RADX: variants seen among roughly 807,000 people sequenced by gnomAD.
RADX encodes the protein RPA-related protein RADX.
In RADX, 36 loss-of-function variants were observed where a neutral mutation model predicts 61.6. The observed-to-expected ratio is 0.58, with a 90% CI of 0.45 to 0.77. The LOEUF (loss-of-function observed/expected upper bound fraction) is 0.77, where lower values mean the gene tolerates loss of function less well. Ranked by LOEUF, RADX falls within the 30% of genes least tolerant of loss-of-function variation. The pLI is 0.00. For missense variants in RADX, 497 were observed against 651.1 expected (o/e 0.76, Z 2.58); for synonymous variants, 272 against 237.9 (o/e 1.14, Z -1.32).
At chrX:106,650,810 C>T (rs1927775202) in intron 11 of RADX, among the ~76,000 whole-genome samples, 1 of 111,666 alleles carries the variant, frequency 9.0e-6, no homozygotes, top group Non-Finnish European at 1.9e-5. Flanking sequence ...AAGGTATCCA[C>T]ACACACACTT....
chrX:106,650,295 A>C (rs1420072440), intron 11 of RADX, among the ~76,000 whole-genome samples: 1 of 111,102 alleles, frequency 9.0e-6, no homozygotes, highest in Admixed American at 9.6e-5. Flanking sequence ...AGGAGTTAGC[A>C]CTAATATCTG....
chrX:106,638,241 C>A, intron 8 of RADX: 1 of 154,640 alleles, frequency 6.5e-6, no homozygotes, highest in Non-Finnish European at 1.2e-5. Context: ...AATCCGAAAT[C>A]TGAAATGTTC....
intron 1 of RADX, among the ~76,000 whole-genome samples, chrX:106,615,447 C>A (rs1443119353): frequency 9.0e-6 from 1 of 111,639 alleles, no homozygotes; most frequent in African/African-American, 3.3e-5. Flanking sequence ...TTCTAGCAAC[C>A]AGCCTTCTTT....
intron 12 of RADX, among the ~76,000 whole-genome samples, chrX:106,668,116 G>C (rs1316548060): frequency 1.8e-5 from 2 of 111,824 alleles, no homozygotes; most frequent in African/African-American, 3.2e-5. Flanking sequence ...TGTATGTTAA[G>C]TTAAATATAT....
chrX:106,655,732 A>G (rs1293380363), intron 11 of RADX, among the ~76,000 whole-genome samples: 1 of 111,477 alleles, frequency 9.0e-6, no homozygotes, highest in African/African-American at 3.3e-5. Flanking sequence ...TTCTTAATCC[A>G]GTCTATCATT....
At chrX:106,634,324 C>T (rs1209848256) in intron 6 of RADX, among the ~76,000 whole-genome samples, 8 of 110,855 alleles carry the variant, frequency 7.2e-5, no homozygotes, top group South Asian at 3.9e-4. Context: ...TCAGTAGAGA[C>T]GGGGTTTCAC....
intron 1 of RADX, among the ~76,000 whole-genome samples, chrX:106,613,289 G>C (rs755557047): frequency 9.0e-6 from 1 of 111,550 alleles, no homozygotes; most frequent in Non-Finnish European, 1.9e-5. Context: ...TTATGGGAAG[G>C]CTTGACATTC....
At chrX:106,670,128 G>A (rs1257048261) in intron 13 of RADX, among the ~76,000 whole-genome samples, 4 of 110,926 alleles carry the variant, frequency 3.6e-5, no homozygotes, top group Admixed American at 9.6e-5. Flanking sequence ...AAGTAATTTG[G>A]GGCAGTAACA....
intron 1 of RADX, among the ~76,000 whole-genome samples, chrX:106,617,875 C>T (rs1391118598): frequency 1.8e-5 from 2 of 111,001 alleles, no homozygotes; most frequent in Non-Finnish European, 3.8e-5. Flanking sequence ...ATAAGCATCC[C>T]GGTGCTAACA....
chrX:106,628,780 G>A (rs190141621), intron 3 of RADX, among the ~76,000 whole-genome samples: 10 of 109,152 alleles, frequency 9.2e-5, no homozygotes, highest in Admixed American at 8.8e-4. Flanking sequence ...GATTACAGGC[G>A]CCCACCACCA....
chrX:106,643,599 G>A (rs1393235804), intron 10 of RADX, among the ~76,000 whole-genome samples: 17 of 111,432 alleles, frequency 1.5e-4, no homozygotes, highest in African/African-American at 4.9e-4. Flanking sequence ...CTTTACCCCA[G>A]TGTATGTTCT....
At chrX:106,613,275 A>AT (rs1209375584) in intron 1 of RADX, among the ~76,000 whole-genome samples, 3 of 111,795 alleles carry the variant, frequency 2.7e-5, no homozygotes, top group Non-Finnish European at 3.8e-5. Context: ...TAACGGTGTG[A>AT]TTTTTATGGG....
intron 12 of RADX, among the ~76,000 whole-genome samples, chrX:106,665,352 A>T (rs1928202986): frequency 8.9e-6 from 1 of 112,400 alleles, no homozygotes; most frequent in Non-Finnish European, 1.9e-5. Flanking sequence ...GAAAGCAACC[A>T]TTGACAATAT....
chrX:106,639,706 A>C lies in RADX; in HGVS notation c.1734+19A>C, dbSNP rs1927456812. The C allele has an allele frequency of 2.6e-6, 3 of 1,141,105 alleles. No homozygotes were observed. The allele number at this position is 1,141,105 out of a possible 1,213,427, so 94.0% of individuals were successfully genotyped here. A position where few individuals can be genotyped will look rare whatever the true frequency, so the allele number is the denominator to read the frequency against. ...ACTTCGGGTATGGTGCCAGAGAATT[A>C]ATAGTATTTCTCTGAAAGCACTGTG... On this transcript the variant is annotated intron_variant, in intron 9 of 13. Coordinates refer to ENST00000372548, the MANE Select transcript of RADX (RefSeq NM_018015.6).
chrX:106,633,503 T>C (rs886306858), intron 6 of RADX, among the ~76,000 whole-genome samples: 4 of 111,678 alleles, frequency 3.6e-5, no homozygotes, highest in African/African-American at 6.5e-5. Flanking sequence ...TCAATTCTCA[T>C]TGTAAAAATT....
rs1926806293 is a variant in RADX at position 106,616,484 on chromosome X, G to A, written c.643+3761G>A. On this transcript the variant is annotated intron_variant, in intron 1 of 13. Transcript: ENST00000372548. ...TATTTTTCTTGTACTACTTTCTTGA[G>A]TTAAATGCTTGGTTCATATATTTCC... Among the ~76,000 whole-genome samples the A allele has an allele frequency of 2.7e-5, 3 of 111,569 alleles. No individual in the cohort carries two copies. The Admixed American group carries it at 2.8e-4, about 11-fold the overall frequency.
At chrX:106,635,761 C>T (rs1453916680) in intron 6 of RADX, among the ~76,000 whole-genome samples, 4 of 110,894 alleles carry the variant, frequency 3.6e-5, no homozygotes, top group East Asian at 5.6e-4. Context: ...TTTGTAAAAC[C>T]GTAAGTGTTT....
chrX:106,641,764 G>A (rs1286700024), intron 10 of RADX, among the ~76,000 whole-genome samples: 1 of 111,308 alleles, frequency 9.0e-6, no homozygotes, highest in East Asian at 2.8e-4. Context: ...AATTGAAAAG[G>A]GAGCACTTGT....
chrX:106,615,327 A>G (rs1926776455), intron 1 of RADX, among the ~76,000 whole-genome samples: 1 of 111,973 alleles, frequency 8.9e-6, no homozygotes, highest in South Asian at 3.7e-4. Context: ...ATTTACAAAA[A>G]CAAGCAACAG....
Sources: gnomAD v4.1 joint callset for allele counts (sites outside exome capture counted in the v4.1 genomes callset) on GRCh38, gnomAD v4.1.1 for gene constraint, MANE v1.5 for transcripts, NCBI Gene and HGNC (gene_info 2026-07-23, HGNC 2026-07-21) for gene names.